The following SDK2 variants were observed in gnomAD, a reference collection of about 807,000 sequenced individuals.
SDK2 encodes protein sidekick-2.
A neutral mutation model predicts 253.9 loss-of-function variants in SDK2; 105 were observed. That is an observed-to-expected ratio of 0.41 (90% CI 0.35 to 0.49). The LOEUF (loss-of-function observed/expected upper bound fraction) is 0.49, where lower values mean the gene tolerates loss of function less well. SDK2 is among the 20% of genes least tolerant of loss of function. SDK2 has a pLI of 0.06. For synonymous variants in SDK2, 1,249 were observed against 1,234.9 expected, an observed-to-expected ratio of 1.01 and a Z score of -0.24; for missense variants, 2,608 against 3,003.0, an observed-to-expected ratio of 0.87 and a Z score of 3.07.
rs747461476 is a variant in SDK2, at chr17:73,612,235, C to G, written c.64+31790G>C. 4.6e-5 allele frequency among the ~76,000 whole-genome samples: 7 copies of G among 152,128 alleles called. No individual in the cohort carries two copies. Among genetic ancestry groups the G allele is most frequent in the Non-Finnish European group, 1.0e-4 (7 of 68,008 alleles). On this transcript the variant is annotated intron_variant, in intron 1 of 44. Coordinates refer to ENST00000392650, the MANE Select transcript of SDK2 (RefSeq NM_001144952.2). This position sits in a 1 kb window ranked among gnomAD's most constrained non-coding sequence, Gnocchi z 4.4. ...CAGCTGCACCCGGGCTGCAGGCCGGCCCCCCACGGTCCCCCACCCTCACGG... is the reference window on the plus strand; with the variant it reads ...CAGCTGCACCCGGGCTGCAGGCCGGGCCCCCACGGTCCCCCACCCTCACGG...
chr17:73,546,108 C>T (rs1229842024), intron 1 of SDK2, among the ~76,000 whole-genome samples: 13 of 125,662 alleles, frequency 1.0e-4, no homozygotes, highest in Non-Finnish European at 2.1e-4. Flanking sequence ...CTGTCGGGGG[C>T]GGGGGGTGAG....
chr17:73,371,321 G>A (rs1041421913), intron 36 of SDK2, among the ~76,000 whole-genome samples: 2 of 152,152 alleles, frequency 1.3e-5, no homozygotes, highest in African/African-American at 2.4e-5. Flanking sequence ...AGAGGGCTGT[G>A]GATTGATCCC....
At chr17:73,489,038 G>A (rs2063787578) in intron 2 of SDK2, among the ~76,000 whole-genome samples, 1 of 152,132 alleles carries the variant, frequency 6.6e-6, no homozygotes, top group Admixed American at 6.5e-5. Flanking sequence ...TACCCATACT[G>A]GAGCTACACC....
intron 10 of SDK2, 62 bp downstream of exon 10, chr17:73,433,670 A>G (rs185517257): frequency 2.5e-5 from 32 of 1,266,942 alleles, no homozygotes; most frequent in African/African-American, 5.9e-5. Context: ...TCCAGAGCCT[A>G]GTTCTGAAGA....
In SDK2 at chr17:73,352,156, G is replaced by A. The variant is rs929025512; in HGVS notation, c.5758+317C>T. ...CCATGGAAAGATAGTTTATGGCCTGGTGCCCATGAATGTCCTGGGTGATGA... is the reference window on the plus strand; with the variant it reads ...CCATGGAAAGATAGTTTATGGCCTGATGCCCATGAATGTCCTGGGTGATGA... On this transcript the variant is annotated intron_variant, in intron 41 of 44. Transcript: ENST00000392650. This position sits in a 1 kb window ranked among gnomAD's most constrained non-coding sequence, Gnocchi z 4.1. Among the ~76,000 whole-genome samples, 3 of 152,086 alleles carry A rather than the reference G, an allele frequency of 2.0e-5. No individual in the cohort carries two copies. Among genetic ancestry groups the A allele is most frequent in the African/African-American group, 7.2e-5 (3 of 41,404 alleles).
chr17:73,389,308 C>CT (rs1193799030), intron 29 of SDK2, among the ~76,000 whole-genome samples: 7 of 151,138 alleles, frequency 4.6e-5, no homozygotes, highest in African/African-American at 1.7e-4. Flanking sequence ...CTCAGCCTTC[C>CT]AAGTAGCTGG....
chr17:73,381,073 C>G (rs979272068), intron 33 of SDK2, 123 bp from the exon 34 acceptor site: 1 of 654,438 alleles, frequency 1.5e-6, no homozygotes, highest in African/African-American at 1.8e-5. Flanking sequence ...CGTGAACAGA[C>G]AGGAAGAGTG....
Position 73,380,788 on chromosome 17 carries a change from G to C in SDK2, c.4762+106C>G, listed in dbSNP as rs1191324793. 3.0e-6 allele frequency: 3 copies of C among 988,632 alleles called. No individual in the cohort carries two copies. The African/African-American group carries it at 4.8e-5, about 16-fold the overall frequency. 61.2% of individuals were successfully genotyped at this position (988,632 alleles called of 1,614,324 possible). A position where few individuals can be genotyped will look rare whatever the true frequency, so the allele number is the denominator to read the frequency against. ...AGTCCCGTTTCTTAAGCCCCCTGGG[G>C]TGGGCACACCCCCTCAACCTGTGAT... On this transcript the variant is annotated intron_variant, in intron 34 of 44. Transcript: ENST00000392650.
At chr17:73,387,470 A>C (rs2062882219) in intron 30 of SDK2, among the ~76,000 whole-genome samples, 1 of 152,182 alleles carries the variant, frequency 6.6e-6, no homozygotes, top group African/African-American at 2.4e-5. Context: ...AATTAAATTG[A>C]AGCTAGAATT....
At chr17:73,351,083 G>A (rs1438990099) in intron 41 of SDK2, among the ~76,000 whole-genome samples, 1 of 151,120 alleles carries the variant, frequency 6.6e-6, no homozygotes, top group South Asian at 2.1e-4. Context: ...TAGGAGGGGA[G>A]AGTGGCAGTG....
At chr17:73,533,393 C>T (rs1467584450) in intron 1 of SDK2, among the ~76,000 whole-genome samples, 1 of 152,242 alleles carries the variant, frequency 6.6e-6, no homozygotes, top group Non-Finnish European at 1.5e-5. Context: ...GGCACATCCC[C>T]TGGCAGTCTG....
chr17:73,535,258 T>A (rs534780297), intron 1 of SDK2, among the ~76,000 whole-genome samples: 1 of 152,312 alleles, frequency 6.6e-6, no homozygotes, highest in African/African-American at 2.4e-5. Context: ...GCCACTCAGG[T>A]TGCAGTCCCC....
At chr17:73,344,794 C>T (rs2062468593) in intron 44 of SDK2, among the ~76,000 whole-genome samples, 1 of 152,168 alleles carries the variant, frequency 6.6e-6, no homozygotes, top group Admixed American at 6.5e-5. Context: ...GGAAAAGAGG[C>T]AAACACAGGC....
In SDK2 at chr17:73,478,045, G is replaced by C. The variant is rs138654986; in HGVS notation, c.225-5827C>G. On this transcript the variant is annotated intron_variant, in intron 2 of 44. Transcript: ENST00000392650. ...GAAAAGAAAAAGTACACAGCAAAAC[G>C]TCTCTCCCACCCTTGTCCCCCAGCT... Among the ~76,000 whole-genome samples the C allele has an allele frequency of 1.2e-4, 18 of 152,178 alleles. No individual in the cohort carries two copies. The East Asian group carries it at 3.5e-3, about 29-fold the overall frequency.
intron 3 of SDK2, among the ~76,000 whole-genome samples, chr17:73,468,752 C>G (rs2063622307): frequency 6.6e-6 from 1 of 151,792 alleles, no homozygotes; most frequent in South Asian, 2.1e-4. Context: ...GTCTCAATCT[C>G]CTGACCTTGT....
At position 73,644,108 on chromosome 17, in the gene SDK2, G is replaced by T. The variant is rs1469784650; in HGVS notation, c.-20C>A. The T allele has an allele frequency of 6.5e-7, 1 of 1,544,628 alleles. No individual in the cohort carries two copies. Among genetic ancestry groups the T allele is most frequent in the Non-Finnish European group, 8.8e-7 (1 of 1,140,934 alleles). ...CCACATGGTGACCAGCCTGGAGAGG[G>T]GTCCTCGGGGTCTCCCTTCCCTCCG... On this transcript the variant is annotated 5_prime_UTR_variant, in exon 1 of 45. Transcript: ENST00000392650. This position sits in a 1 kb window ranked among gnomAD's most constrained non-coding sequence, Gnocchi z 6.3.
intron 1 of SDK2, among the ~76,000 whole-genome samples, chr17:73,576,766 G>C (rs997244794): frequency 2.0e-5 from 3 of 152,174 alleles, no homozygotes; most frequent in Non-Finnish European, 2.9e-5. Flanking sequence ...AGCTATTGTT[G>C]ACAGTGAATT....
intron 1 of SDK2, among the ~76,000 whole-genome samples, chr17:73,557,453 C>T (rs753000400): frequency 5.3e-5 from 8 of 152,056 alleles, no homozygotes; most frequent in Non-Finnish European, 8.8e-5. Context: ...CAGGTGTGTA[C>T]CACCACATCT....
chr17:73,433,980 G>A (rs1567770320), intron 9 of SDK2, 132 bp from the exon 10 acceptor site: 6 of 626,810 alleles, frequency 9.6e-6, no homozygotes, highest in South Asian at 4.0e-5. Context: ...GGCCCTCCAC[G>A]AGGAAGGATG....
Sources: gnomAD v4.1 joint callset for allele counts (sites outside exome capture counted in the v4.1 genomes callset) on GRCh38, gnomAD v4.1.1 for gene constraint, Gnocchi (gnomAD v3.1) non-coding constraint, MANE v1.5 for transcripts, NCBI Gene and HGNC (gene_info 2026-07-23, HGNC 2026-07-21) for gene names.